The following GALNT13 variants were observed in gnomAD, a reference collection of about 807,000 sequenced individuals.
GALNT13 encodes polypeptide N-acetylgalactosaminyltransferase 13, also known as UDP-GalNAc:polypeptide N-acetylgalactosaminyltransferase 13.
GALNT13 carries 28 observed loss-of-function variants against 64.2 expected under a neutral mutation model. The observed-to-expected ratio is 0.44, with a 90% CI of 0.32 to 0.60. The LOEUF is 0.60. GALNT13 is among the 20% of genes least tolerant of loss of function. The pLI is 0.05. For missense variants in GALNT13, 577 were observed against 669.8 expected (o/e 0.86, Z 1.53); for synonymous variants, 214 against 224.6 (o/e 0.95, Z 0.42).
At position 154,328,087 on chromosome 2, in the gene GALNT13, CG is replaced by C. The variant is rs1342599163; in HGVS notation, c.1156+26499del. Among the ~76,000 whole-genome samples, 17 of 152,062 alleles carry C rather than the reference CG, an allele frequency of 1.1e-4. No homozygotes were observed. The East Asian group carries it at 3.3e-3, about 29-fold the overall frequency. On this transcript the variant is annotated intron_variant, in intron 9 of 12. Transcript: ENST00000392825. ...ATAAAATGCAGTTTAAAGAATTACA[CG>C]AAAATGAATATCTTTGTCCCCAGCA...
chr2:153,552,961 G>T, the GALNT13 span, among the ~76,000 whole-genome samples: 1 of 152,282 alleles, frequency 6.6e-6, no homozygotes, highest in South Asian at 2.1e-4. Flanking sequence ...TTGCTTACCT[G>T]CAGCTCACCT....
intron 4 of GALNT13, among the ~76,000 whole-genome samples, chr2:154,181,674 T>A (rs1049561012): frequency 6.6e-6 from 1 of 152,090 alleles, no homozygotes; most frequent in Admixed American, 6.6e-5. Flanking sequence ...TAGGTAAAAA[T>A]AGAAGTAATT....
At chr2:153,623,754 T>C in the GALNT13 span, among the ~76,000 whole-genome samples, 2 of 152,046 alleles carry the variant, frequency 1.3e-5, no homozygotes, top group African/African-American at 4.8e-5. Flanking sequence ...GGGACAAGTA[T>C]ATCAGAGGTA....
chr2:154,428,687 TTA>T (rs1161412512), intron 11 of GALNT13, among the ~76,000 whole-genome samples: 1 of 152,188 alleles, frequency 6.6e-6, no homozygotes, highest in East Asian at 1.9e-4. Context: ...TGTGCCCACT[TTA>T]TGTCTTTGTG....
chr2:153,737,319 C>T, the GALNT13 span, among the ~76,000 whole-genome samples: 2 of 151,852 alleles, frequency 1.3e-5, no homozygotes, highest in Non-Finnish European at 2.9e-5. Context: ...GTTTTCTCTA[C>T]TCTTATTACC....
the GALNT13 span, among the ~76,000 whole-genome samples, chr2:153,254,416 C>T: frequency 3.5e-4 from 54 of 152,256 alleles, no homozygotes; most frequent in African/African-American, 1.3e-3. Flanking sequence ...TTTCAAAAAA[C>T]CAGCTCCTGG....
At chr2:153,655,274 G>C in the GALNT13 span, among the ~76,000 whole-genome samples, 1 of 152,082 alleles carries the variant, frequency 6.6e-6, no homozygotes, top group Non-Finnish European at 1.5e-5. Context: ...TTCATTGATA[G>C]AATGTAACAA....
In GALNT13 at chr2:154,435,700, T is replaced by C. The variant is rs1484316290; in HGVS notation, c.1396-2892T>C. Among the ~76,000 whole-genome samples the C allele has an allele frequency of 2.6e-5, 4 of 152,166 alleles. No homozygotes were observed. In the East Asian group the frequency reaches 5.8e-4, roughly 22 times the overall value. Reference sequence around the variant, plus strand: ...CTTATACTAAAATTTCTTGGCAGTATTGGGAAGAAATCCTCAATTTGGGAT... The same window carrying C: ...CTTATACTAAAATTTCTTGGCAGTACTGGGAAGAAATCCTCAATTTGGGAT... On this transcript the variant is annotated intron_variant, in intron 11 of 12. Transcript: ENST00000392825.
chr2:154,218,142 G>A (rs1202929734), intron 4 of GALNT13, among the ~76,000 whole-genome samples: 3 of 152,130 alleles, frequency 2.0e-5, no homozygotes, highest in African/African-American at 7.2e-5. Context: ...CAAATATGTA[G>A]TTAAGTGAAC....
Position 154,415,182 on chromosome 2 carries a change from AAAATT to A in GALNT13, c.1395+6108_1395+6112del, listed in dbSNP as rs376935203. 3.5e-3 allele frequency among the ~76,000 whole-genome samples: 538 copies of A among 152,092 alleles called. 2 individuals carry two copies. The highest frequency in any genetic ancestry group is 6.4e-3 in the Non-Finnish European group (433 of 67,948). On this transcript the variant is annotated intron_variant, in intron 11 of 12. Transcript: ENST00000392825. Reference sequence around the variant, plus strand: ...CATAAAATATATTCATAATTAGGTAAAAATTAAATTAACATAACATTTATAACATA... The same window carrying A: ...CATAAAATATATTCATAATTAGGTAAAAATTAACATAACATTTATAACATA...
chr2:153,924,770 A>G (rs919212032), intron 2 of GALNT13, among the ~76,000 whole-genome samples: 3 of 151,974 alleles, frequency 2.0e-5, no homozygotes, highest in Non-Finnish European at 4.4e-5. Flanking sequence ...GTGTGAGATG[A>G]TATCTCACTG....
chr2:154,313,602 G>A (rs974050078), intron 9 of GALNT13, among the ~76,000 whole-genome samples: 6 of 151,778 alleles, frequency 4.0e-5, no homozygotes, highest in South Asian at 2.1e-4. Flanking sequence ...CTATAGGCAT[G>A]CATCACCATG....
the GALNT13 span, among the ~76,000 whole-genome samples, chr2:153,505,005 C>G: frequency 6.6e-6 from 1 of 152,130 alleles, no homozygotes; most frequent in Non-Finnish European, 1.5e-5. Context: ...GTAAATTAAT[C>G]TGGTCCTGGA....
the GALNT13 span, among the ~76,000 whole-genome samples, chr2:153,716,931 A>G: frequency 6.6e-6 from 1 of 152,162 alleles, no homozygotes; most frequent in Non-Finnish European, 1.5e-5. Context: ...TGTTCCTTTC[A>G]AGATGAATCC....
At chr2:153,147,584 C>T in the GALNT13 span, among the ~76,000 whole-genome samples, 9 of 146,066 alleles carry the variant, frequency 6.2e-5, no homozygotes, top group East Asian at 4.0e-4. Flanking sequence ...GTTTTGAAAT[C>T]GGTTACAGTA....
chr2:154,345,496 C>T lies in GALNT13; in HGVS notation c.1156+43907C>T, dbSNP rs114759268. Among the ~76,000 whole-genome samples, 1,188 of 152,016 alleles carry T rather than the reference C, an allele frequency of 7.8e-3. 13 individuals carry two copies. Among genetic ancestry groups the T allele is most frequent in the African/African-American group, 0.027 (1,125 of 41,474 alleles). ...ACTAGCTATACCTGGCTTCTGAGTGCGTAAAATGTGCCTAGATTGATTAAA... is the reference window on the plus strand; with the variant it reads ...ACTAGCTATACCTGGCTTCTGAGTGTGTAAAATGTGCCTAGATTGATTAAA... On this transcript the variant is annotated intron_variant, in intron 9 of 12. Coordinates refer to ENST00000392825, the MANE Select transcript of GALNT13 (RefSeq NM_052917.4).
At chr2:153,772,397 G>T in the GALNT13 span, among the ~76,000 whole-genome samples, 1 of 152,132 alleles carries the variant, frequency 6.6e-6, no homozygotes, top group Admixed American at 6.5e-5. Flanking sequence ...TGGGTTGCAT[G>T]GAACCCTAGT....
chr2:154,258,508 T>G (rs1690504826), intron 7 of GALNT13, among the ~76,000 whole-genome samples: 1 of 152,052 alleles, frequency 6.6e-6, no homozygotes, highest in African/African-American at 2.4e-5. Flanking sequence ...AAAATACCTT[T>G]GTAACTATCG....
At chr2:153,353,889 G>C in the GALNT13 span, among the ~76,000 whole-genome samples, 1 of 152,038 alleles carries the variant, frequency 6.6e-6, no homozygotes, top group Non-Finnish European at 1.5e-5. Flanking sequence ...GCCAAGCTTT[G>C]ATAGTAGGGT....
Sources: gnomAD v4.1 joint callset for allele counts (sites outside exome capture counted in the v4.1 genomes callset) on GRCh38, gnomAD v4.1.1 for gene constraint, MANE v1.5 for transcripts, NCBI Gene and HGNC (gene_info 2026-07-23, HGNC 2026-07-21) for gene names.